The following PRDM5 variants were observed in gnomAD, a reference collection of about 807,000 sequenced individuals.
PRDM5 encodes the protein PR/SET domain 5, also known as PR domain zinc finger protein 5.
A neutral mutation model predicts 81.2 loss-of-function variants in PRDM5; 56 were observed. That is an observed-to-expected ratio of 0.69 (90% CI 0.56 to 0.86). The LOEUF (loss-of-function observed/expected upper bound fraction) is 0.86. Ranked by LOEUF, PRDM5 falls within the 40% of genes least tolerant of loss-of-function variation. PRDM5 has a pLI of 0.00. For synonymous variants in PRDM5, 267 were observed against 256.4 expected (o/e 1.04, Z -0.39); for missense variants, 697 against 770.1 (o/e 0.91, Z 1.12).
At chr4:120,859,139 G>A (rs1452926523) in intron 2 of PRDM5, among the ~76,000 whole-genome samples, 1 of 151,998 alleles carries the variant, frequency 6.6e-6, no homozygotes, top group South Asian at 2.1e-4. Flanking sequence ...GGCCCACAAC[G>A]GCTACAGGCA....
intron 3 of PRDM5, among the ~76,000 whole-genome samples, chr4:120,831,176 T>C (rs1756666317): frequency 6.6e-6 from 1 of 152,084 alleles, no homozygotes. Context: ...GCAGCCGTTT[T>C]ATAAACAAGT....
chr4:120,792,624 C>A (rs1432357912), intron 10 of PRDM5, among the ~76,000 whole-genome samples: 1 of 152,114 alleles, frequency 6.6e-6, no homozygotes, highest in Non-Finnish European at 1.5e-5. Flanking sequence ...CTCTCAGGTT[C>A]ATTGCGTAAA....
At position 120,871,194 on chromosome 4, in the gene PRDM5, T is replaced by TTTGTTG. The variant is rs144753765; in HGVS notation, c.178-17660_178-17655dup. The stretch of plus-strand genomic sequence containing the variant: ...ACTTCTCTCTAGTTCCACATAATGT[T>TTTGTTG]TTGTTGTTGTTGTTGTTGTTCTGTC... On this transcript the variant is annotated intron_variant, in intron 2 of 15. Coordinates refer to ENST00000264808, the MANE Select transcript of PRDM5 (RefSeq NM_018699.4). 1.4e-3 allele frequency among the ~76,000 whole-genome samples: 212 copies of TTTGTTG among 152,194 alleles called. 1 individual carries two copies. The highest frequency in any genetic ancestry group is 2.3e-3 in the Non-Finnish European group (156 of 67,988).
Position 120,799,724 on chromosome 4 carries a change from G to A in PRDM5, c.967C>T (p.Gln323Ter), listed in dbSNP as rs1460262244. Residue 323 changes from glutamine (Q) to a stop codon, truncating the protein, a stop_gained, in exon 9 of 16, where the codon CAA (glutamine) becomes TAA (stop). Coordinates refer to ENST00000264808, the MANE Select transcript of PRDM5 (RefSeq NM_018699.4). LOFTEE classifies it high-confidence loss of function. ...HRKIHEIFDCQECMKKFISAN... is the reference protein window; with the variant it reads ...HRKIHEIFDC ...GAAATAAATTTCTTCATACATTCTT[G>A]ACAATCAAATATCTCATGAATCTGC... The A allele has an allele frequency of 6.2e-7, 1 of 1,612,654 alleles. No homozygotes were observed. Among genetic ancestry groups the A allele is most frequent in the Admixed American group, 1.7e-5 (1 of 59,916 alleles).
At chr4:120,903,000 G>A (rs960474938) in intron 2 of PRDM5, among the ~76,000 whole-genome samples, 6 of 152,114 alleles carry the variant, frequency 3.9e-5, no homozygotes. Context: ...GCTCCCCAGG[G>A]GCTCTTGGCC....
intron 10 of PRDM5, among the ~76,000 whole-genome samples, chr4:120,788,600 C>G (rs948447569): frequency 2.6e-5 from 4 of 152,188 alleles, no homozygotes; most frequent in African/African-American, 9.6e-5. Context: ...ATATTCCTCC[C>G]TAATTCATTT....
chr4:120,755,647 C>A (rs1185246113), intron 13 of PRDM5, among the ~76,000 whole-genome samples: 3 of 152,106 alleles, frequency 2.0e-5, no homozygotes, highest in Non-Finnish European at 4.4e-5. Context: ...GTCAACAATG[C>A]CCCTTGTTGC....
chr4:120,745,832 A>G (rs1742904721), intron 14 of PRDM5, among the ~76,000 whole-genome samples: 2 of 147,442 alleles, frequency 1.4e-5, no homozygotes, highest in Non-Finnish European at 3.0e-5. Context: ...AGGAAGAATC[A>G]ATATCGTGAA....
At chr4:120,782,772 ATTAATG>A (rs1749224241) in intron 11 of PRDM5, among the ~76,000 whole-genome samples, 1 of 152,150 alleles carries the variant, frequency 6.6e-6, no homozygotes, top group South Asian at 2.1e-4. Context: ...GACTGTAAAC[ATTAATG>A]TTAATATCAA....
At chr4:120,817,954 A>C (rs1350723116) in intron 5 of PRDM5, among the ~76,000 whole-genome samples, 1 of 152,154 alleles carries the variant, frequency 6.6e-6, no homozygotes, top group East Asian at 1.9e-4. Context: ...CATTTCTTAA[A>C]CTTTTTTTTA....
intron 3 of PRDM5, among the ~76,000 whole-genome samples, chr4:120,828,546 C>G (rs78629936): frequency 0.097 from 14,760 of 152,150 alleles, 951 homozygotes; most frequent in Non-Finnish European, 0.14. Context: ...ATAATTTTAA[C>G]TTCACTAGAT....
chr4:120,742,351 A>C (rs1380856757), intron 14 of PRDM5, among the ~76,000 whole-genome samples: 26 of 152,258 alleles, frequency 1.7e-4, no homozygotes, highest in Non-Finnish European at 3.7e-4. Flanking sequence ...GAAAAACTGG[A>C]AACTCTAAAA....
At chr4:120,873,488 TA>T (rs1287399196) in intron 2 of PRDM5, among the ~76,000 whole-genome samples, 2 of 152,238 alleles carry the variant, frequency 1.3e-5, no homozygotes, top group Non-Finnish European at 2.9e-5. Context: ...AGTGGCCAAC[TA>T]TCCATCAGTA....
chr4:120,863,175 A>AAAATAT (rs1553997140), intron 2 of PRDM5, among the ~76,000 whole-genome samples: 6 of 60,670 alleles, frequency 9.9e-5, no homozygotes, highest in Non-Finnish European at 1.5e-4. Context: ...AAAAAAAAAA[A>AAAATAT]ATATATATAT....
intron 3 of PRDM5, among the ~76,000 whole-genome samples, chr4:120,843,854 A>C (rs1445528299): frequency 1.3e-5 from 2 of 152,202 alleles, no homozygotes; most frequent in Middle Eastern, 3.2e-3. Flanking sequence ...AGATCTCAGC[A>C]CACAGTACAG....
chr4:120,687,601 T>C (rs1400656608), downstream of PRDM5, among the ~76,000 whole-genome samples: 1 of 152,172 alleles, frequency 6.6e-6, no homozygotes, highest in Non-Finnish European at 1.5e-5. Flanking sequence ...AATATCTCTT[T>C]GAAATCCAGT....
At chr4:120,767,779 C>T (rs1746589705) in intron 13 of PRDM5, among the ~76,000 whole-genome samples, 1 of 152,178 alleles carries the variant, frequency 6.6e-6, no homozygotes, top group South Asian at 2.1e-4. Context: ...CCATAATTCC[C>T]ATGTGTCATG....
At chr4:120,846,697 T>G (rs770463281) in intron 3 of PRDM5, among the ~76,000 whole-genome samples, 12 of 152,128 alleles carry the variant, frequency 7.9e-5, no homozygotes, top group Non-Finnish European at 1.6e-4. Context: ...GTTTTGCATA[T>G]ATTATCTCAT....
At chr4:120,883,825 C>T (rs1252173739) in intron 2 of PRDM5, among the ~76,000 whole-genome samples, 1 of 152,040 alleles carries the variant, frequency 6.6e-6, no homozygotes, top group Non-Finnish European at 1.5e-5. Flanking sequence ...AAACTTTGCA[C>T]AAGATATTAA....
Sources: gnomAD v4.1 joint callset for allele counts (sites outside exome capture counted in the v4.1 genomes callset) on GRCh38, gnomAD v4.1.1 for gene constraint, MANE v1.5 for transcripts, NCBI Gene and HGNC (gene_info 2026-07-23, HGNC 2026-07-21) for gene names.